Variants in FCN3 observed in about 807,000 individuals in gnomAD.
FCN3 encodes ficolin 3, also known as ficolin-3.
FCN3 carries 28 observed loss-of-function variants against 31.5 expected under a neutral mutation model. That is an observed-to-expected ratio of 0.89 (90% CI 0.66 to 1.22). The LOEUF is 1.22. FCN3 is among the 50% of genes most tolerant of loss of function. FCN3 has a pLI of 0.00. For missense variants in FCN3, 351 were observed against 386.8 expected, an observed-to-expected ratio of 0.91 and a Z score of 0.78; for synonymous variants, 124 against 147.4, an observed-to-expected ratio of 0.84 and a Z score of 1.15.
chr1:27,369,483 A>C lies in FCN3; in HGVS notation c.659-6T>G. On this transcript the variant is annotated splice_polypyrimidine_tract_variant and splice_region_variant and intron_variant, in intron 7 of 7. Coordinates refer to ENST00000270879, the MANE Select transcript of FCN3 (RefSeq NM_003665.4). ...GTGGAGGCTCAGGGAATCCCCTAGC[A>C]GGGAAGGGATGGAAAGCACCTTGGT... is the stretch of plus-strand genomic sequence containing the variant. The C allele has an allele frequency of 6.2e-7, 1 of 1,612,638 alleles. No individual in the cohort carries two copies. The highest frequency in any genetic ancestry group is 8.5e-7 in the Non-Finnish European group (1 of 1,178,720).
At position 27,374,805 on chromosome 1, in the gene FCN3, C is replaced by T; in HGVS notation, c.14G>A (p.Trp5Ter). The T allele has an allele frequency of 7.3e-7, 1 of 1,361,142 alleles. No individual in the cohort carries two copies. The allele number at this position is 1,361,142 out of a possible 1,614,324, so 84.3% of individuals were successfully genotyped here. A position where few individuals can be genotyped will look rare whatever the true frequency, so the allele number is the denominator to read the frequency against. MDLL[W>*]ILPSLWLLLL... ...GAGAAGCCACAGGGAGGGCAGGATC[C>T]ACAGTAGATCCATCTTGCTGGGCCC... Residue 5 changes from tryptophan (W) to a stop codon, truncating the protein, a stop_gained, in exon 1 of 8, where the codon TGG becomes TAG. Transcript: ENST00000270879. LOFTEE classifies it high-confidence loss of function.
Position 27,369,131 on chromosome 1 carries a change from T to C in FCN3, c.*105A>G. 1 of 1,386,040 alleles carries C rather than the reference T, an allele frequency of 7.2e-7. No individual in the cohort carries two copies. Among genetic ancestry groups the C allele is most frequent in the Non-Finnish European group, 1.0e-6 (1 of 1,003,954 alleles). The allele number at this position is 1,386,040 out of a possible 1,614,324, so 85.9% of individuals were successfully genotyped here. ...AGTCTTGAAAGGGCTAAAATGATTT[T>C]ATTTTTAAATGTGGACAGGCAAGCA... On this transcript the variant is annotated 3_prime_UTR_variant, in exon 8 of 8. Transcript: ENST00000270879.
chr1:27,373,657 T>C (rs898243980), intron 3 of FCN3, 137 bp from the exon 4 acceptor site: 73 of 892,214 alleles, frequency 8.2e-5, no homozygotes, highest in Non-Finnish European at 1.2e-4. Context: ...AGGAGGGCCA[T>C]CATAGGGTAC....
At chr1:27,373,824 C>G in intron 3 of FCN3, 141 bp downstream of exon 3, 1 of 797,298 alleles carries the variant, frequency 1.3e-6, no homozygotes, top group Non-Finnish European at 2.1e-6. Context: ...AGGCCCTTCT[C>G]CTAATCCTTC....
chr1:27,374,787 C>T lies in FCN3; in HGVS notation c.32G>A (p.Trp11Ter). 1 of 1,388,732 alleles carries T rather than the reference C, an allele frequency of 7.2e-7. No homozygotes were observed. Among genetic ancestry groups the T allele is most frequent in the Non-Finnish European group, 9.4e-7 (1 of 1,066,072 alleles). The allele number at this position is 1,388,732 out of a possible 1,614,324, so 86.0% of individuals were successfully genotyped here. Residue 11 changes from tryptophan to a stop codon, truncating the protein, a stop_gained, in exon 1 of 8, where the codon TGG becomes TAG. Transcript: ENST00000270879. LOFTEE classifies it high-confidence loss of function. ...GGCAGGCCCCCCAAGCAGGAGAAGCCACAGGGAGGGCAGGATCCACAGTAG... is the reference window on the plus strand; with the variant it reads ...GGCAGGCCCCCCAAGCAGGAGAAGCTACAGGGAGGGCAGGATCCACAGTAG... MDLLWILPSL[W>*]LLLLGGPACL...
Position 27,374,766 on chromosome 1 carries a change from G to A in FCN3, c.53C>T (p.Pro18Leu). The A allele has an allele frequency of 7.2e-7, 1 of 1,389,130 alleles. No individual in the cohort carries two copies. The allele number at this position is 1,389,130 out of a possible 1,614,324, so 86.1% of individuals were successfully genotyped here. ...GTGTTCCTGGGTCTTCAGGCAGGCA[G>A]GCCCCCCAAGCAGGAGAAGCCACAG... ...PSLWLLLLGG[P>L]ACLKTQEHPS... Residue 18 changes from proline (P) to leucine (L), a missense_variant, in exon 1 of 8, where the codon CCT (proline) becomes CTT (leucine). Physicochemically the swap from Pro to Leu is moderately conservative, Grantham distance 98. Coordinates refer to ENST00000270879, the MANE Select transcript of FCN3 (RefSeq NM_003665.4).
At chr1:27,370,489 C>T in intron 7 of FCN3, 107 bp downstream of exon 7, 3 of 961,820 alleles carry the variant, frequency 3.1e-6, no homozygotes, top group Non-Finnish European at 4.8e-6. Flanking sequence ...GATGCGGAAA[C>T]TAAGGCCCAC....
Position 27,370,666 on chromosome 1 carries a change from C to G in FCN3, c.588G>C (p.Ala196=). The change falls in exon 7 of 8, where the codon GCG becomes GCC. Residue 196 remains alanine, a synonymous_variant. Coordinates refer to ENST00000270879, the MANE Select transcript of FCN3 (RefSeq NM_003665.4). The part of the protein sequence containing the change: ...FNGNRTFAHY[A]TFRLLGEVDH... Reference sequence around the variant, plus strand: ...CTACCTCACCGAGGAGGCGGAAGGTCGCATAGTGGGCGAAAGTACGGTTAC... The same window carrying G: ...CTACCTCACCGAGGAGGCGGAAGGTGGCATAGTGGGCGAAAGTACGGTTAC... 6.2e-7 allele frequency: 1 copy of G among 1,614,220 alleles called. No individual in the cohort carries two copies. Among genetic ancestry groups the G allele is most frequent in the Non-Finnish European group, 8.5e-7 (1 of 1,180,044 alleles).
At position 27,373,193 on chromosome 1, in the gene FCN3, A is replaced by C; in HGVS notation, c.336T>G (p.Pro112=). ...AAAAGACTGGGAGGGCCCTGCCCTC[A>C]GGTAGGCACAGATGGTACCAGCCGC... is the stretch of plus-strand genomic sequence containing the variant. ...TLSGWYHLCL[P]EGRALPVFCD... The change falls in exon 5 of 8, where the codon CCT becomes CCG. Residue 112 remains proline, a synonymous_variant. Coordinates refer to ENST00000270879, the MANE Select transcript of FCN3 (RefSeq NM_003665.4). The C allele has an allele frequency of 6.2e-7, 1 of 1,614,014 alleles. No individual in the cohort carries two copies. The highest frequency in any genetic ancestry group is 8.5e-7 in the Non-Finnish European group (1 of 1,179,952).
intron 5 of FCN3, among the ~76,000 whole-genome samples, chr1:27,371,508 G>A (rs1437613672): frequency 1.3e-5 from 2 of 151,088 alleles, no homozygotes; most frequent in East Asian, 2.0e-4. Flanking sequence ...CCTGGGAGGT[G>A]GAGGTTGCAG....
At position 27,369,373 on chromosome 1, in the gene FCN3, A is replaced by G; in HGVS notation, c.763T>C (p.Tyr255His). Reference protein sequence around the residue: ...CAVIVHGAWWYASCYRSNLNG... With the variant: ...CAVIVHGAWWHASCYRSNLNG... ...AGATTTGATCGGTAACAGGATGCAT[A>G]CCACCAGGCACCGTGGACAATCACT... is the stretch of plus-strand genomic sequence containing the variant. The change falls in exon 8 of 8, where the codon TAT becomes CAT. Residue 255 changes from tyrosine to histidine, a missense_variant. Transcript: ENST00000270879. 3.1e-6 allele frequency: 5 copies of G among 1,614,242 alleles called. No homozygotes were observed. The highest frequency in any genetic ancestry group is 4.2e-6 in the Non-Finnish European group (5 of 1,180,044).
chr1:27,370,643 A>G lies in FCN3; in HGVS notation c.611T>C (p.Val204Ala), dbSNP rs774927752. ...GCCCAGTGCCAGCTGGTAGTGGTCT[A>G]CCTCACCGAGGAGGCGGAAGGTCGC... ...HYATFRLLGE[V>A]DHYQLALGKF... Residue 204 changes from valine (V) to alanine (A), a missense_variant, in exon 7 of 8, where the codon GTA becomes GCA. Transcript: ENST00000270879. The G allele has an allele frequency of 1.1e-5, 17 of 1,614,208 alleles. No homozygotes were observed. Among genetic ancestry groups the G allele is most frequent in the Non-Finnish European group, 1.4e-5 (16 of 1,180,036 alleles).
At position 27,373,183 on chromosome 1, in the gene FCN3, C is replaced by T; in HGVS notation, c.346G>A (p.Ala116Thr). The T allele has an allele frequency of 6.2e-7, 1 of 1,614,040 alleles. No individual in the cohort carries two copies. Among genetic ancestry groups the T allele is most frequent in the Non-Finnish European group, 8.5e-7 (1 of 1,179,986 alleles). Reference protein sequence around the residue: ...WYHLCLPEGRALPVFCDMDTE... With the variant: ...WYHLCLPEGRTLPVFCDMDTE... Reference sequence around the variant, plus strand: ...TCCATGTCACAAAAGACTGGGAGGGCCCTGCCCTCAGGTAGGCACAGATGG... The same window carrying T: ...TCCATGTCACAAAAGACTGGGAGGGTCCTGCCCTCAGGTAGGCACAGATGG... Residue 116 changes from alanine to threonine, a missense_variant, in exon 5 of 8, where the codon GCC (alanine) becomes ACC (threonine). Transcript: ENST00000270879.
In FCN3 at chr1:27,372,984, ACTT is replaced by A. The variant is rs2016177905; in HGVS notation, c.393+149_393+151del. The A allele has an allele frequency of 3.2e-6, 3 of 950,970 alleles. No homozygotes were observed. In the East Asian group the frequency reaches 7.3e-5, roughly 23 times the overall value. 58.9% of individuals were successfully genotyped at this position (950,970 alleles called of 1,614,324 possible). A position where few individuals can be genotyped will look rare whatever the true frequency, so the allele number is the denominator to read the frequency against. ...GGCACCTCCTCTGTGAAGCCCTCAT[ACTT>A]CTTCAGGTCCCATTGGGGGCTCACT... On this transcript the variant is annotated intron_variant, in intron 5 of 7. Coordinates refer to ENST00000270879, the MANE Select transcript of FCN3 (RefSeq NM_003665.4).
intron 3 of FCN3, 184 bp from the exon 4 acceptor site, chr1:27,373,704 C>G: frequency 1.5e-6 from 1 of 686,648 alleles, no homozygotes; most frequent in Non-Finnish European, 2.5e-6. Context: ...CTCCTCCCAG[C>G]CTTCCAAACC....
chr1:27,369,714 C>G (rs553340869), intron 7 of FCN3, among the ~76,000 whole-genome samples: 3 of 151,912 alleles, frequency 2.0e-5, no homozygotes, highest in African/African-American at 7.3e-5. Flanking sequence ...TGTCTTACCC[C>G]CTCCAGAATC....
At chr1:27,371,812 T>C (rs2016152803) in intron 5 of FCN3, among the ~76,000 whole-genome samples, 1 of 151,810 alleles carries the variant, frequency 6.6e-6, no homozygotes, top group Admixed American at 6.6e-5. Flanking sequence ...CAGGCTGGAG[T>C]ACAGTGGTGT....
rs758590392 is a variant in FCN3 at position 27,370,215 on chromosome 1, G to A, written c.658+381C>T. ...GTAGAGACGGGGTTTCACCATGTTG[G>A]CCAGGTTGGGTTTGAACTCCTGACC... On this transcript the variant is annotated intron_variant, in intron 7 of 7. Transcript: ENST00000270879. Among the ~76,000 whole-genome samples the A allele has an allele frequency of 2.0e-5, 3 of 152,106 alleles. No individual in the cohort carries two copies. In the Middle Eastern group the frequency reaches 0.01, roughly 517 times the overall value.
intron 5 of FCN3, among the ~76,000 whole-genome samples, chr1:27,372,695 G>C (rs1051088538): frequency 6.6e-6 from 1 of 151,160 alleles, no homozygotes; most frequent in Non-Finnish European, 1.5e-5. Flanking sequence ...GCTCACTCAC[G>C]CGTTCCCTGC....
Sources: gnomAD v4.1 joint callset for allele counts (sites outside exome capture counted in the v4.1 genomes callset) on GRCh38, gnomAD v4.1.1 for gene constraint, MANE v1.5 for transcripts, NCBI Gene and HGNC (gene_info 2026-07-23, HGNC 2026-07-21) for gene names.